The following PPFIA2 variants were observed in gnomAD, a reference collection of about 807,000 sequenced individuals.
PPFIA2 encodes the protein liprin-alpha-2.
Under a neutral mutation model 175.5 loss-of-function variants are expected in PPFIA2, and 46 were observed. The ratio of observed to expected loss-of-function variants is 0.26; its 90% confidence interval spans 0.21 to 0.34. The LOEUF is 0.34. PPFIA2 is among the 10% of genes least tolerant of loss of function. The pLI, the probability that PPFIA2 is intolerant of heterozygous loss-of-function variation, is 1.00. For synonymous variants in PPFIA2, 568 were observed against 511.4 expected (o/e 1.11, Z -1.49); for missense variants, 1,179 against 1,506.1 (o/e 0.78, Z 3.60).
chr12:81,534,461 C>A (rs1375229133), intron 4 of PPFIA2, among the ~76,000 whole-genome samples: 1 of 151,550 alleles, frequency 6.6e-6, no homozygotes, highest in African/African-American at 2.4e-5. Flanking sequence ...TAAAGATGTA[C>A]AAATATTATG....
intron 24 of PPFIA2, chr12:81,292,750 C>T (rs2045386488): frequency 6.6e-6 from 1 of 152,012 alleles, no homozygotes; most frequent in Non-Finnish European, 1.5e-5. Flanking sequence ...TGTGGGGGGT[C>T]AGCACCCTTA....
chr12:81,526,559 T>A (rs951926595), intron 4 of PPFIA2, among the ~76,000 whole-genome samples: 3 of 152,216 alleles, frequency 2.0e-5, no homozygotes. Context: ...TCTAAAACTA[T>A]ATTATCAAAG....
At chr12:81,694,996 TTC>T in intron 3 of PPFIA2, among the ~76,000 whole-genome samples, 1 of 152,312 alleles carries the variant, frequency 6.6e-6, no homozygotes, top group Non-Finnish European at 1.5e-5. Context: ...TTTGGCTAAT[TTC>T]TCCTTATTGG....
In PPFIA2 at chr12:81,498,882, C is replaced by T. The variant is rs374206468; in HGVS notation, c.304-41016G>A. 5.9e-5 allele frequency among the ~76,000 whole-genome samples: 9 copies of T among 152,286 alleles called. No individual in the cohort carries two copies. The South Asian group carries it at 1.9e-3, about 32-fold the overall frequency. On this transcript the variant is annotated intron_variant, in intron 4 of 32. Transcript: ENST00000549396. ...TTGTGATCCCCCTGCCTTGGCCTCC[C>T]AAATTGCTGGGATTAGAGACGTGAG...
chr12:81,395,064 A>G (rs952745143), intron 8 of PPFIA2, among the ~76,000 whole-genome samples: 13 of 152,012 alleles, frequency 8.6e-5, no homozygotes, highest in Admixed American at 8.5e-4. Flanking sequence ...AATCCTCCCA[A>G]TCTGTGTAAT....
chr12:81,748,962 C>G (rs997870859), intron 3 of PPFIA2, among the ~76,000 whole-genome samples: 8 of 144,344 alleles, frequency 5.5e-5, no homozygotes, highest in African/African-American at 1.9e-4. Context: ...AACCTTTCAT[C>G]AAACAAATCT....
At chr12:81,738,568 G>A (rs1295058701) in intron 3 of PPFIA2, among the ~76,000 whole-genome samples, 1 of 151,686 alleles carries the variant, frequency 6.6e-6, no homozygotes, top group Non-Finnish European at 1.5e-5. Context: ...CTTTGCTAAG[G>A]ATGCACATTG....
chr12:81,279,957 A>C (rs113608373), intron 27 of PPFIA2, among the ~76,000 whole-genome samples: 7 of 152,320 alleles, frequency 4.6e-5, no homozygotes, highest in African/African-American at 1.7e-4. Flanking sequence ...AACAGAGAAA[A>C]AATAATTCTT....
rs181313127 is a variant in PPFIA2 at position 81,485,497 on chromosome 12, C to T, written c.304-27631G>A. Among the ~76,000 whole-genome samples the T allele has an allele frequency of 8.3e-3, 1,267 of 151,860 alleles. 11 individuals are homozygous for T. Among genetic ancestry groups the T allele is most frequent in the Admixed American group, 0.012 (176 of 15,194 alleles). ...AAGAGTACTTTCCCCAAATAACTCA[C>T]TCAGATATACAACTCTCACCTCAAA... On this transcript the variant is annotated intron_variant, in intron 4 of 32. Transcript: ENST00000549396.
intron 23 of PPFIA2, among the ~76,000 whole-genome samples, chr12:81,297,854 G>C (rs1284450802): frequency 6.6e-6 from 1 of 152,202 alleles, no homozygotes; most frequent in East Asian, 1.9e-4. Context: ...ACTCAAGGAG[G>C]AACGAAAGGA....
At chr12:81,517,404 C>T (rs1016524424) in intron 4 of PPFIA2, among the ~76,000 whole-genome samples, 32 of 152,122 alleles carry the variant, frequency 2.1e-4, no homozygotes, top group Admixed American at 6.5e-5. Flanking sequence ...GCTCCAGAAA[C>T]CCAGCATGTC....
chr12:81,636,263 AT>A (rs147916617), intron 4 of PPFIA2, among the ~76,000 whole-genome samples: 34,537 of 116,824 alleles, frequency 0.3, 2,989 homozygotes, highest in Middle Eastern at 0.37. Flanking sequence ...TAACTCTCTG[AT>A]TTTTTTTTTT....
chr12:81,533,996 T>G (rs1275950258), intron 4 of PPFIA2, among the ~76,000 whole-genome samples: 1 of 151,546 alleles, frequency 6.6e-6, no homozygotes, highest in Non-Finnish European at 1.5e-5. Flanking sequence ...CATAAAAACA[T>G]GAAATCCTGT....
chr12:81,598,660 T>C (rs972453102), intron 4 of PPFIA2, among the ~76,000 whole-genome samples: 3 of 151,914 alleles, frequency 2.0e-5, no homozygotes, highest in African/African-American at 7.2e-5. Flanking sequence ...TAAAGGGAGT[T>C]CTTTTATAAT....
chr12:81,341,781 A>T (rs751144259), intron 19 of PPFIA2, among the ~76,000 whole-genome samples: 5 of 152,108 alleles, frequency 3.3e-5, no homozygotes, highest in Non-Finnish European at 5.9e-5. Context: ...TCTTTACAAA[A>T]AGGTATTAAA....
At chr12:81,686,291 A>G (rs2074412718) in intron 3 of PPFIA2, among the ~76,000 whole-genome samples, 1 of 152,102 alleles carries the variant, frequency 6.6e-6, no homozygotes, top group South Asian at 2.1e-4. Context: ...TTAGCCAAAA[A>G]GTAAAATTCC....
At chr12:81,529,056 C>T (rs2064117836) in intron 4 of PPFIA2, among the ~76,000 whole-genome samples, 2 of 151,912 alleles carry the variant, frequency 1.3e-5, no homozygotes, top group Admixed American at 1.3e-4. Context: ...AAACTCATAT[C>T]AAACATCTTA....
At chr12:81,510,681 G>C (rs565580851) in intron 4 of PPFIA2, among the ~76,000 whole-genome samples, 4 of 152,048 alleles carry the variant, frequency 2.6e-5, no homozygotes, top group Non-Finnish European at 1.5e-5. Flanking sequence ...ATAACCCGTG[G>C]AATTTCTGAT....
intron 4 of PPFIA2, among the ~76,000 whole-genome samples, chr12:81,466,552 T>C (rs2055663157): frequency 1.3e-5 from 2 of 152,146 alleles, no homozygotes; most frequent in African/African-American, 4.8e-5. Context: ...ATCTTATATC[T>C]TATTCCCACT....
Sources: allele counts gnomAD v4.1 joint callset (sites outside exome capture counted in the v4.1 genomes callset), GRCh38; gene constraint gnomAD v4.1.1; transcripts MANE v1.5; gene names NCBI Gene and HGNC (gene_info 2026-07-23, HGNC 2026-07-21).